The following KHDRBS2 variants were observed in gnomAD, a reference collection of about 807,000 sequenced individuals.
KHDRBS2 encodes KH RNA binding domain containing, signal transduction associated 2.
A neutral mutation model predicts 44.3 loss-of-function variants in KHDRBS2; 26 were observed. The ratio of observed to expected loss-of-function variants is 0.59; its 90% CI spans 0.43 to 0.81. The LOEUF is 0.81. KHDRBS2 is among the 40% of genes least tolerant of loss of function. KHDRBS2 has a pLI of 0.00. For missense variants in KHDRBS2, 476 were observed against 433.1 expected, an observed-to-expected ratio of 1.10 and a Z score of -0.88; for synonymous variants, 194 against 151.1, an observed-to-expected ratio of 1.28 and a Z score of -2.08.
At chr6:61,569,545 A>G in the KHDRBS2 span, among the ~76,000 whole-genome samples, 1 of 152,200 alleles carries the variant, frequency 6.6e-6, no homozygotes, top group African/African-American at 2.4e-5. Flanking sequence ...TCAACAGCTA[A>G]TTCCACTGCC....
At chr6:62,075,913 CT>C (rs1796238302) in intron 2 of KHDRBS2, among the ~76,000 whole-genome samples, 1 of 151,250 alleles carries the variant, frequency 6.6e-6, no homozygotes, top group African/African-American at 2.4e-5. Context: ...CTCTCTCTCT[CT>C]TCTATTTTTA....
intron 3 of KHDRBS2, among the ~76,000 whole-genome samples, chr6:61,980,303 T>C (rs1248129340): frequency 1.3e-5 from 2 of 152,200 alleles, no homozygotes; most frequent in African/African-American, 4.8e-5. Context: ...TTGTTCATAA[T>C]CTAATGTGGA....
chr6:61,604,808 G>T, the KHDRBS2 span, among the ~76,000 whole-genome samples: 2 of 152,140 alleles, frequency 1.3e-5, no homozygotes, highest in African/African-American at 4.8e-5. Context: ...TGGATGTGTA[G>T]AGGCCTATCC....
At chr6:61,891,154 G>C (rs1395291591) in intron 6 of KHDRBS2, among the ~76,000 whole-genome samples, 1 of 152,186 alleles carries the variant, frequency 6.6e-6, no homozygotes, top group Non-Finnish European at 1.5e-5. Context: ...GAAGAGGACA[G>C]CATGTTTATG....
At chr6:61,674,599 T>C in the KHDRBS2 span, among the ~76,000 whole-genome samples, 2 of 151,808 alleles carry the variant, frequency 1.3e-5, no homozygotes, top group Non-Finnish European at 2.9e-5. Flanking sequence ...ACTATCATTA[T>C]TGTTATTAAT....
chr6:62,075,470 A>G (rs1796143933), intron 2 of KHDRBS2, among the ~76,000 whole-genome samples: 1 of 151,968 alleles, frequency 6.6e-6, no homozygotes, highest in Non-Finnish European at 1.5e-5. Context: ...ATCCTGGTAT[A>G]CCAATGGTCC....
intron 2 of KHDRBS2, among the ~76,000 whole-genome samples, chr6:62,121,212 A>G (rs760379994): frequency 1.3e-5 from 2 of 152,196 alleles, no homozygotes; most frequent in Non-Finnish European, 1.5e-5. Flanking sequence ...GTAGGATGAG[A>G]GCCATTATGG....
intron 2 of KHDRBS2, among the ~76,000 whole-genome samples, chr6:62,135,603 A>G (rs1288127232): frequency 6.6e-6 from 1 of 152,180 alleles, no homozygotes; most frequent in Non-Finnish European, 1.5e-5. Flanking sequence ...ATTACTCAGT[A>G]TGGCTAAGAT....
At chr6:61,891,802 T>A (rs1801892907) in intron 6 of KHDRBS2, among the ~76,000 whole-genome samples, 1 of 152,132 alleles carries the variant, frequency 6.6e-6, no homozygotes, top group Non-Finnish European at 1.5e-5. Context: ...TCATACTGAA[T>A]GGGCAAAAAC....
At chr6:62,175,134 G>A (rs746318015) in intron 2 of KHDRBS2, among the ~76,000 whole-genome samples, 1 of 151,622 alleles carries the variant, frequency 6.6e-6, no homozygotes, top group African/African-American at 2.4e-5. Flanking sequence ...CCAGAACAAG[G>A]TAGGTCAACT....
At chr6:62,108,506 A>C (rs1040559151) in intron 2 of KHDRBS2, among the ~76,000 whole-genome samples, 16 of 152,182 alleles carry the variant, frequency 1.1e-4, no homozygotes, top group Non-Finnish European at 1.0e-4. Context: ...GTGGGACTGT[A>C]AACTAGTTCA....
chr6:61,552,649 CTTA>C, the KHDRBS2 span, among the ~76,000 whole-genome samples: 1 of 151,994 alleles, frequency 6.6e-6, no homozygotes, highest in Non-Finnish European at 1.5e-5. Flanking sequence ...ATATATATGT[CTTA>C]TTATTTTGAG....
At chr6:62,026,265 T>G (rs1424509201) in intron 3 of KHDRBS2, among the ~76,000 whole-genome samples, 1 of 151,752 alleles carries the variant, frequency 6.6e-6, no homozygotes, top group Non-Finnish European at 1.5e-5. Flanking sequence ...AGTGACTCAG[T>G]AAGCCTATTA....
At chr6:62,255,980 T>C (rs1226432007) in intron 1 of KHDRBS2, among the ~76,000 whole-genome samples, 1 of 150,112 alleles carries the variant, frequency 6.7e-6, no homozygotes, top group Non-Finnish European at 1.5e-5. Flanking sequence ...AAAAAAAAAA[T>C]AAAAATTAGC....
At chr6:61,823,662 G>A (rs1790374350) in intron 6 of KHDRBS2, among the ~76,000 whole-genome samples, 1 of 152,024 alleles carries the variant, frequency 6.6e-6, no homozygotes, top group Non-Finnish European at 1.5e-5. Context: ...ATTATCTATT[G>A]CTTTTCCTGA....
At chr6:61,607,794 TCTC>T in the KHDRBS2 span, among the ~76,000 whole-genome samples, 6 of 152,068 alleles carry the variant, frequency 3.9e-5, no homozygotes, top group Non-Finnish European at 8.8e-5. Context: ...CTCAAGCAAT[TCTC>T]CTGCCTCAGC....
At chr6:61,697,944 A>G (rs1252924325) in intron 7 of KHDRBS2, among the ~76,000 whole-genome samples, 2 of 152,238 alleles carry the variant, frequency 1.3e-5, no homozygotes, top group East Asian at 3.9e-4. Context: ...CTTATCCGTA[A>G]AAAGCTCTGC....
At chr6:61,988,973 G>T (rs1411333370) in intron 3 of KHDRBS2, among the ~76,000 whole-genome samples, 4 of 152,128 alleles carry the variant, frequency 2.6e-5, no homozygotes, top group Non-Finnish European at 5.9e-5. Flanking sequence ...ATTTTTAAAA[G>T]AAGTTGAGGA....
intron 2 of KHDRBS2, among the ~76,000 whole-genome samples, chr6:62,051,368 TA>T (rs755555865): frequency 1.3e-5 from 2 of 152,072 alleles, no homozygotes; most frequent in African/African-American, 2.4e-5. Flanking sequence ...CGTTTTGGGT[TA>T]TTTTTTGCAT....
Sources: allele counts gnomAD v4.1 joint callset (sites outside exome capture counted in the v4.1 genomes callset), GRCh38; gene constraint gnomAD v4.1.1; transcripts MANE v1.5; gene names NCBI Gene and HGNC (gene_info 2026-07-23, HGNC 2026-07-21).